The following DIPK1C variants were observed in gnomAD, a reference collection of about 807,000 sequenced individuals.
The protein encoded by DIPK1C is familial non-conventional Alzheimer's dementia.
Under a neutral mutation model 28.0 loss-of-function variants are expected in DIPK1C, and 33 were observed. That is an observed-to-expected ratio of 1.18 (90% CI 0.89 to 1.58). The LOEUF is 1.58. Ranked by LOEUF, DIPK1C falls within the 40% of genes most tolerant of loss-of-function variation. DIPK1C has a pLI of 0.00. For synonymous variants in DIPK1C, 255 were observed against 248.8 expected, an observed-to-expected ratio of 1.02 and a Z score of -0.23; for missense variants, 569 against 568.5, an observed-to-expected ratio of 1.00 and a Z score of -0.01.
At chr18:74,452,610 A>T (rs1986423709) in intron 1 of DIPK1C, among the ~76,000 whole-genome samples, 1 of 151,854 alleles carries the variant, frequency 6.6e-6, no homozygotes. Context: ...AAAAAAAATT[A>T]GCTGGGCCAC....
At chr18:74,445,927 G>A (rs1013219855) in intron 2 of DIPK1C, among the ~76,000 whole-genome samples, 3 of 152,182 alleles carry the variant, frequency 2.0e-5, no homozygotes, top group Non-Finnish European at 4.4e-5. Flanking sequence ...GAAGGGAGAG[G>A]GGTTTGTGTT....
intron 1 of DIPK1C, among the ~76,000 whole-genome samples, chr18:74,456,431 T>TC (rs1986513436): frequency 6.6e-6 from 1 of 152,232 alleles, no homozygotes; most frequent in Non-Finnish European, 1.5e-5. Context: ...CCCGGGATCC[T>TC]CCCGGTCCCA....
intron 1 of DIPK1C, among the ~76,000 whole-genome samples, chr18:74,452,395 C>T (rs944300460): frequency 7.3e-5 from 11 of 151,260 alleles, no homozygotes; most frequent in African/African-American, 2.4e-4. Flanking sequence ...AGATTTCATC[C>T]AGCCTTTTAA....
intron 1 of DIPK1C, among the ~76,000 whole-genome samples, chr18:74,452,371 C>T (rs568008331): frequency 8.5e-5 from 13 of 152,090 alleles, no homozygotes; most frequent in Non-Finnish European, 1.8e-4. Context: ...TCTGTGCCTG[C>T]TAAGCACAGA....
intron 1 of DIPK1C, among the ~76,000 whole-genome samples, chr18:74,455,725 T>TAAAAAAAAAAAAA (rs112246757): frequency 5.2e-5 from 6 of 116,142 alleles, no homozygotes; most frequent in South Asian, 6.0e-4. Context: ...CAAAACTCCA[T>TAAAAAAAAAAAAA]AAAAAAAAAA....
In DIPK1C at chr18:74,436,507, C is replaced by T. The variant is rs753031527; in HGVS notation, c.1254G>A (p.Glu418=). 21 of 1,600,282 alleles carry T rather than the reference C, an allele frequency of 1.3e-5. No individual in the cohort carries two copies. Among genetic ancestry groups the T allele is most frequent in the Middle Eastern group, 2.3e-4 (1 of 4,436 alleles). Residue 418 remains glutamate (E), a synonymous_variant, in exon 4 of 4, where the codon GAG becomes GAA. Transcript: ENST00000343998. ...QATLRELQEA[E]K is the part of the protein sequence containing the mutation. Reference sequence around the variant, plus strand: ...GTTTAAGGCCAGAGAGTGGCTACTTCTCTGCCTCCTGCAGCTCCCTCAGTG... The same window carrying T: ...GTTTAAGGCCAGAGAGTGGCTACTTTTCTGCCTCCTGCAGCTCCCTCAGTG...
intron 1 of DIPK1C, among the ~76,000 whole-genome samples, chr18:74,454,098 G>A (rs1986453932): frequency 6.6e-6 from 1 of 152,138 alleles, no homozygotes; most frequent in Non-Finnish European, 1.5e-5. Flanking sequence ...CTAGAAAAGC[G>A]GGCCTCCAGA....
chr18:74,453,232 G>T (rs1028502137), intron 1 of DIPK1C, among the ~76,000 whole-genome samples: 1 of 152,210 alleles, frequency 6.6e-6, no homozygotes, highest in Admixed American at 6.5e-5. Context: ...AGGTCCCAGA[G>T]GTCATGTCTG....
At chr18:74,452,364 G>A (rs570680683) in intron 1 of DIPK1C, among the ~76,000 whole-genome samples, 8 of 152,226 alleles carry the variant, frequency 5.3e-5, no homozygotes, top group African/African-American at 1.9e-4. Context: ...CTGCATGTCT[G>A]TGCCTGCTAA....
In DIPK1C at chr18:74,457,077, G is replaced by A. The variant is rs554205445; in HGVS notation, c.183C>T (p.Arg61=). ...CGGGACCTACCAGCGCGGCCAGGAT[G>A]CGCCGGCTCTTCTCGTCGGTGCAGC... is the stretch of plus-strand genomic sequence containing the variant. ...SERCTDEKSR[R]ILAALCQDYQ... is the part of the protein sequence containing the mutation. The change falls in exon 1 of 4, where the codon CGC becomes CGT. Residue 61 remains arginine, a synonymous_variant. Transcript: ENST00000343998. The A allele has an allele frequency of 3.3e-4, 486 of 1,465,570 alleles. 10 individuals carry two copies. In the South Asian group the frequency reaches 6.1e-3, roughly 18 times the overall value. 90.8% of individuals were successfully genotyped at this position (1,465,570 alleles called of 1,614,324 possible). A position where few individuals can be genotyped will look rare whatever the true frequency, so the allele number is the denominator to read the frequency against.
intron 3 of DIPK1C, among the ~76,000 whole-genome samples, chr18:74,439,922 T>C (rs1986080569): frequency 1.3e-5 from 2 of 151,952 alleles, no homozygotes; most frequent in Non-Finnish European, 2.9e-5. Context: ...TTTTGACATT[T>C]TGGTATATAA....
rs1298978055 is a variant in DIPK1C at position 74,447,466 on chromosome 18, G to A, written c.199-183C>T. Among the ~76,000 whole-genome samples the A allele has an allele frequency of 2.0e-5, 3 of 152,210 alleles. No homozygotes were observed. Among genetic ancestry groups the A allele is most frequent in the South Asian group, 2.1e-4 (1 of 4,836 alleles). On this transcript the variant is annotated intron_variant, in intron 1 of 3. Transcript: ENST00000343998. The surrounding 1 kb of genome is among the most constrained non-coding windows in gnomAD (Gnocchi z 4.1). Reference sequence around the variant, plus strand: ...CAGCCAGTGAGTAATTCAGAGGAAGGTTAAAGGAGCCGCTCACAGTCATTA... The same window carrying A: ...CAGCCAGTGAGTAATTCAGAGGAAGATTAAAGGAGCCGCTCACAGTCATTA...
At chr18:74,452,529 A>G (rs1986421739) in intron 1 of DIPK1C, among the ~76,000 whole-genome samples, 1 of 151,898 alleles carries the variant, frequency 6.6e-6, no homozygotes, top group South Asian at 2.1e-4. Flanking sequence ...GGATCACTTG[A>G]GCCCAGGAAT....
chr18:74,441,826 A>T, intron 3 of DIPK1C, 126 bp downstream of exon 3: 2 of 1,066,784 alleles, frequency 1.9e-6, no homozygotes, highest in Non-Finnish European at 2.7e-6. Flanking sequence ...TTTATTGACC[A>T]CATCGATCCA....
chr18:74,450,774 A>G (rs1986379958), intron 1 of DIPK1C, among the ~76,000 whole-genome samples: 1 of 152,246 alleles, frequency 6.6e-6, no homozygotes, highest in African/African-American at 2.4e-5. Flanking sequence ...CACAGCTGCC[A>G]GGTTCCGGAG....
chr18:74,437,390 T>C (rs1452975248), intron 3 of DIPK1C, among the ~76,000 whole-genome samples: 1 of 152,212 alleles, frequency 6.6e-6, no homozygotes, highest in East Asian at 1.9e-4. Flanking sequence ...TCTAATCGGG[T>C]ATGAAATTCA....
chr18:74,457,353 G>A (rs1343001168), upstream of DIPK1C: 2 of 916,306 alleles, frequency 2.2e-6, no homozygotes, highest in Non-Finnish European at 2.6e-6. Context: ...GCTCGGCGGG[G>A]AGGGGGAACG....
At chr18:74,457,349 CG>C, upstream of DIPK1C, 1 of 931,552 alleles carries the variant, frequency 1.1e-6, no homozygotes, top group Non-Finnish European at 1.3e-6. Flanking sequence ...GCCCGCTCGG[CG>C]GGGAGGGGGA....
chr18:74,442,146 A>G (rs1283975606), intron 2 of DIPK1C, 30 bp from the exon 3 acceptor site: 1 of 1,612,194 alleles, frequency 6.2e-7, no homozygotes, highest in South Asian at 1.1e-5. Context: ...GGGCTATCAA[A>G]GGGCTACTGG....
Sources: gnomAD v4.1 joint callset for allele counts (sites outside exome capture counted in the v4.1 genomes callset) on GRCh38, gnomAD v4.1.1 for gene constraint, Gnocchi (gnomAD v3.1) non-coding constraint, MANE v1.5 for transcripts, NCBI Gene and HGNC (gene_info 2026-07-23, HGNC 2026-07-21) for gene names.